MMP26: variants seen among roughly 807,000 people sequenced by gnomAD.
The protein encoded by MMP26 is matrix metallopeptidase 26, also known as matrix metalloproteinase-26.
Under a neutral mutation model 31.0 loss-of-function variants are expected in MMP26, and 33 were observed. That is an observed-to-expected ratio of 1.06 (90% confidence interval 0.81 to 1.42). MMP26 has a LOEUF of 1.42. MMP26 is among the 40% of genes most tolerant of loss of function. The pLI is 0.00. For missense variants in MMP26, 347 were observed against 316.1 expected (o/e 1.10, Z -0.74); for synonymous variants, 122 against 114.9 (o/e 1.06, Z -0.40).
rs540280197 is a variant in MMP26, at chr11:4,790,767, A to G, written c.-145+23426A>G. On this transcript the variant is annotated intron_variant, in intron 2 of 7. Transcript: ENST00000380390. ...CATAGGCTCTTAATGGCTCTCCATG[A>G]GTAGTGATTCACTTTTCTAGGTTAA... Among the ~76,000 whole-genome samples, 4 of 152,284 alleles carry G rather than the reference A, an allele frequency of 2.6e-5. No homozygotes were observed. In the East Asian group the frequency reaches 7.7e-4, roughly 29 times the overall value.
chr11:4,835,581 G>A (rs1473298347), intron 2 of MMP26, among the ~76,000 whole-genome samples: 2 of 152,140 alleles, frequency 1.3e-5, no homozygotes, highest in East Asian at 3.9e-4. Context: ...TGGGAAAAAG[G>A]AGAGAGCAAT....
At position 4,814,816 on chromosome 11, in the gene MMP26, G is replaced by A. The variant is rs1484291149; in HGVS notation, c.-145+47475G>A. ...ATAAAAATGTTTAGAGAAAATTAGA[G>A]CATAGTAATTCTGCATATAGTTGTG... On this transcript the variant is annotated intron_variant, in intron 2 of 7. Transcript: ENST00000380390. Among the ~76,000 whole-genome samples, 3 of 152,148 alleles carry A rather than the reference G, an allele frequency of 2.0e-5. No homozygotes were observed. The East Asian group carries it at 5.8e-4, about 29-fold the overall frequency.
At chr11:4,809,843 A>T (rs568375726) in intron 2 of MMP26, among the ~76,000 whole-genome samples, 76 of 152,256 alleles carry the variant, frequency 5.0e-4, no homozygotes, top group African/African-American at 1.8e-3. Flanking sequence ...TGGGAGCTCT[A>T]TGACTCCTAA....
rs569559134 is a variant in MMP26 at position 4,979,293 on chromosome 11, A to G, written c.-144-8775A>G. 3.9e-5 allele frequency among the ~76,000 whole-genome samples: 6 copies of G among 152,240 alleles called. No homozygotes were observed. The South Asian group carries it at 1.0e-3, about 26-fold the overall frequency. On this transcript the variant is annotated intron_variant, in intron 2 of 7. Coordinates refer to ENST00000380390, the MANE Select transcript of MMP26 (RefSeq NM_021801.5). ...AGATCTGAATTCGTTCAGACTGCAAACCAATGATTGAATAAATCCCCAGGT... is the reference window on the plus strand; with the variant it reads ...AGATCTGAATTCGTTCAGACTGCAAGCCAATGATTGAATAAATCCCCAGGT...
Position 4,821,771 on chromosome 11 carries a change from T to C in MMP26, c.-145+54430T>C, listed in dbSNP as rs1329379365. 7 of 1,613,854 alleles carry C rather than the reference T, an allele frequency of 4.3e-6. No individual in the cohort carries two copies. The highest frequency in any genetic ancestry group is 5.9e-6 in the Non-Finnish European group (7 of 1,179,866). On this transcript the variant is annotated intron_variant, in intron 2 of 7. Coordinates refer to ENST00000380390, the MANE Select transcript of MMP26 (RefSeq NM_021801.5). ...TTTACTTTCATGGAGTCTGGGGTTC[T>C]ACTGGCCATGGCCTTTGATCGTTTT...
At chr11:4,970,611 G>A (rs1589821544) in intron 2 of MMP26, among the ~76,000 whole-genome samples, 1 of 152,214 alleles carries the variant, frequency 6.6e-6, no homozygotes, top group Non-Finnish European at 1.5e-5. Flanking sequence ...GGTGCCAGGT[G>A]GGCCAGTCAT....
intron 2 of MMP26, among the ~76,000 whole-genome samples, chr11:4,785,470 A>G (rs1441949085): frequency 1.3e-5 from 2 of 152,174 alleles, no homozygotes; most frequent in African/African-American, 4.8e-5. Flanking sequence ...AAGGTAACTC[A>G]GTAGATAAAT....
chr11:4,951,316 T>C lies in MMP26; in HGVS notation c.-144-36752T>C, dbSNP rs1246700394. 3.2e-5 allele frequency among the ~76,000 whole-genome samples: 4 copies of C among 124,272 alleles called. 2 individuals carry two copies. Among genetic ancestry groups the C allele is most frequent in the African/African-American group, 1.1e-4 (4 of 36,654 alleles). 81.5% of individuals were successfully genotyped at this position (124,272 alleles called of 152,430 possible). Reference sequence around the variant, plus strand: ...CATATTTCTGGGTACCTGTCTGTCTTTGATGGCTTGATTTCTCCATGAGTC... The same window carrying C: ...CATATTTCTGGGTACCTGTCTGTCTCTGATGGCTTGATTTCTCCATGAGTC... On this transcript the variant is annotated intron_variant, in intron 2 of 7. Coordinates refer to ENST00000380390, the MANE Select transcript of MMP26 (RefSeq NM_021801.5).
intron 2 of MMP26, among the ~76,000 whole-genome samples, chr11:4,954,199 T>A (rs188389794): frequency 1.1e-5 from 1 of 87,546 alleles, no homozygotes; most frequent in African/African-American, 3.6e-5. Context: ...CTTAGCAATA[T>A]TTTACTGAAG....
intron 1 of MMP26, among the ~76,000 whole-genome samples, chr11:4,747,141 G>A (rs1195883208): frequency 6.6e-6 from 1 of 152,092 alleles, no homozygotes; most frequent in East Asian, 1.9e-4. Context: ...GCATTCTACA[G>A]CATTTCTATG....
intron 2 of MMP26, among the ~76,000 whole-genome samples, chr11:4,825,381 C>G (rs537238350): frequency 6.6e-6 from 1 of 152,172 alleles, no homozygotes; most frequent in South Asian, 2.1e-4. Flanking sequence ...GCTCTGCCAC[C>G]TTTTTAGTGA....
At chr11:4,921,260 A>G (rs1851179101) in intron 2 of MMP26, among the ~76,000 whole-genome samples, 1 of 152,242 alleles carries the variant, frequency 6.6e-6, no homozygotes. Context: ...GAGCTCTGCT[A>G]TAACCAAGTT....
rs1194074123 is a variant in MMP26 at position 4,986,932 on chromosome 11, C to CCTCTCT, written c.-144-1114_-144-1109dup. On this transcript the variant is annotated intron_variant, in intron 2 of 7. Transcript: ENST00000380390. Reference sequence around the variant, plus strand: ...CTCTCTCTCTCTCTCTCTCTCTCTCCCTCTCTCTCTCTCTCTCTCTCTCTC... The same window carrying CCTCTCT: ...CTCTCTCTCTCTCTCTCTCTCTCTCCCTCTCTCTCTCTCTCTCTCTCTCTCTCTCTC... Among the ~76,000 whole-genome samples the CCTCTCT allele has an allele frequency of 4.3e-3, 258 of 60,282 alleles. 4 individuals carry two copies. The highest frequency in any genetic ancestry group is 0.01 in the South Asian group (15 of 1,464). The allele number at this position is 60,282 out of a possible 152,430, so 39.5% of individuals were successfully genotyped here. A position where few individuals can be genotyped will look rare whatever the true frequency, so the allele number is the denominator to read the frequency against.
intron 2 of MMP26, among the ~76,000 whole-genome samples, chr11:4,812,421 A>AG (rs1385483749): frequency 2.0e-5 from 3 of 152,188 alleles, no homozygotes; most frequent in Non-Finnish European, 4.4e-5. Flanking sequence ...TGACATGCCT[A>AG]GGGAAGACAG....
chr11:4,803,824 G>A (rs908453361), intron 2 of MMP26: 20 of 1,612,824 alleles, frequency 1.2e-5, no homozygotes, highest in Admixed American at 5.0e-5. Flanking sequence ...CTTCAGCACA[G>A]CCATGTGCTC....
intron 2 of MMP26, among the ~76,000 whole-genome samples, chr11:4,816,240 G>A (rs1318020867): frequency 6.6e-6 from 1 of 152,040 alleles, no homozygotes; most frequent in Non-Finnish European, 1.5e-5. Flanking sequence ...TACTTGATAC[G>A]ATTTTGATCT....
intron 2 of MMP26, among the ~76,000 whole-genome samples, chr11:4,928,095 C>G (rs944127956): frequency 5.3e-5 from 8 of 149,830 alleles, no homozygotes; most frequent in Middle Eastern, 3.4e-3. Flanking sequence ...CCAACACTTT[C>G]TAGCCATGTG....
Position 4,988,276 on chromosome 11 carries a change from C to T in MMP26, c.65C>T (p.Pro22Leu). 2.5e-6 allele frequency: 4 copies of T among 1,614,102 alleles called. No homozygotes were observed. Among genetic ancestry groups the T allele is most frequent in the Non-Finnish European group, 3.4e-6 (4 of 1,180,022 alleles). Residue 22 changes from proline (P) to leucine (L), a missense_variant, in exon 3 of 8, where the codon CCT (proline) becomes CTT (leucine). Coordinates refer to ENST00000380390, the MANE Select transcript of MMP26 (RefSeq NM_021801.5). ...LPWCFAVPVP[P>L]AADHKGWDFV... ...TGGTGTTTCGCCGTTCCAGTGCCCC[C>T]TGCTGCAGACCATAAAGGATGGGAC... is the stretch of plus-strand genomic sequence containing the variant.
intron 2 of MMP26, among the ~76,000 whole-genome samples, chr11:4,790,410 A>G (rs993253747): frequency 6.6e-6 from 1 of 152,144 alleles, no homozygotes; most frequent in African/African-American, 2.4e-5. Flanking sequence ...TTGAGGAAAA[A>G]CTCAGCATAT....
Sources: gnomAD v4.1 joint callset for allele counts (sites outside exome capture counted in the v4.1 genomes callset) on GRCh38, gnomAD v4.1.1 for gene constraint, MANE v1.5 for transcripts, NCBI Gene and HGNC (gene_info 2026-07-23, HGNC 2026-07-21) for gene names.